The following ZNF486 variants were observed in gnomAD, a reference collection of about 807,000 sequenced individuals.
The protein encoded by ZNF486 is zinc finger protein 486, also known as KRAB box only protein 2.
Under a neutral mutation model 12.8 loss-of-function variants are expected in ZNF486, and 12 were observed. That is an observed-to-expected ratio of 0.94 (90% CI 0.60 to 1.52). ZNF486 has a LOEUF of 1.52. Among genes scored for constraint, ZNF486 ranks in the 40% most tolerant of loss-of-function variants. The pLI, the probability that ZNF486 is intolerant of heterozygous loss-of-function variation, is 0.00. For synonymous variants in ZNF486, 231 were observed against 184.9 expected, an observed-to-expected ratio of 1.25 and a Z score of -2.02; for missense variants, 738 against 545.0, an observed-to-expected ratio of 1.35 and a Z score of -3.53.
intron 1 of ZNF486, among the ~76,000 whole-genome samples, chr19:20,181,243 T>C (rs1021570922): frequency 6.6e-6 from 1 of 151,040 alleles, no homozygotes; most frequent in Non-Finnish European, 1.5e-5. Flanking sequence ...CAAAAGCAGA[T>C]GAAAGGGAAA....
In ZNF486 at chr19:20,192,373, T is replaced by C. The variant is rs191898993; in HGVS notation, c.254-4591T>C. 5.9e-5 allele frequency among the ~76,000 whole-genome samples: 9 copies of C among 152,320 alleles called. No individual in the cohort carries two copies. The East Asian group carries it at 1.7e-3, about 29-fold the overall frequency. On this transcript the variant is annotated intron_variant, in intron 3 of 3. Transcript: ENST00000335117. ...TTGCCCAAGCTGGAGTGCAATGGCGTGAGCTCACTGCAACCTCTGCCTCCC... is the reference window on the plus strand; with the variant it reads ...TTGCCCAAGCTGGAGTGCAATGGCGCGAGCTCACTGCAACCTCTGCCTCCC...
At chr19:20,191,011 T>A in intron 3 of ZNF486, among the ~76,000 whole-genome samples, 1 of 152,160 alleles carries the variant, frequency 6.6e-6, no homozygotes, top group African/African-American at 2.4e-5. Context: ...AGAACCTGGA[T>A]CCTTCACCTC....
intron 1 of ZNF486, among the ~76,000 whole-genome samples, chr19:20,169,328 C>T (rs1021300601): frequency 6.6e-6 from 1 of 152,204 alleles, no homozygotes; most frequent in South Asian, 2.1e-4. Flanking sequence ...AGGCTGGTCT[C>T]TAACTCCCAA....
At chr19:20,191,261 GGA>G (rs2089899115) in intron 3 of ZNF486, among the ~76,000 whole-genome samples, 1 of 152,000 alleles carries the variant, frequency 6.6e-6, no homozygotes, top group South Asian at 2.1e-4. Context: ...CATGAGGTCA[GGA>G]GATCGAGACC....
intron 1 of ZNF486, among the ~76,000 whole-genome samples, chr19:20,170,084 G>A (rs1433743119): frequency 1.3e-5 from 2 of 151,072 alleles, no homozygotes; most frequent in African/African-American, 4.9e-5. Flanking sequence ...GTAGAGACGG[G>A]TTTCACCGTG....
In ZNF486 at chr19:20,170,428, G is replaced by T. The variant is rs538828305; in HGVS notation, c.30+3068G>T. On this transcript the variant is annotated intron_variant, in intron 1 of 3. Transcript: ENST00000335117. ...CTAAAAATACAAAAATTAGCCAAGCGTCTTGGCAGGTACATGTAATGCCAG... is the reference window on the plus strand; with the variant it reads ...CTAAAAATACAAAAATTAGCCAAGCTTCTTGGCAGGTACATGTAATGCCAG... Among the ~76,000 whole-genome samples, 8 of 152,106 alleles carry T rather than the reference G, an allele frequency of 5.3e-5. No individual in the cohort carries two copies. The East Asian group carries it at 1.2e-3, about 22-fold the overall frequency.
chr19:20,181,194 C>A (rs1555715486), intron 1 of ZNF486, among the ~76,000 whole-genome samples: 1 of 152,136 alleles, frequency 6.6e-6, no homozygotes, highest in East Asian at 1.9e-4. Flanking sequence ...GTGAATCCTG[C>A]TGCCTTTCTA....
rs1018272928 is a variant in ZNF486, at chr19:20,197,889, C to T, written c.1179C>T (p.Leu393=). 5 of 1,610,110 alleles carry T rather than the reference C, an allele frequency of 3.1e-6. No individual in the cohort carries two copies. The highest frequency in any genetic ancestry group is 3.4e-6 in the Non-Finnish European group (4 of 1,178,950). ...AAGCCTTTACATGGTCTGCAGGCCT[C>T]CATAAACATAGGAGAACTCATACTG... is the stretch of plus-strand genomic sequence containing the variant. The part of the protein sequence containing the change: ...CGKAFTWSAG[L]HKHRRTHTGE... The change falls in exon 4 of 4, where the codon CTC becomes CTT. Residue 393 remains leucine, a synonymous_variant. Transcript: ENST00000335117.
At chr19:20,192,464 C>G (rs532809032) in intron 3 of ZNF486, among the ~76,000 whole-genome samples, 4 of 152,118 alleles carry the variant, frequency 2.6e-5, no homozygotes, top group Non-Finnish European at 5.9e-5. Flanking sequence ...TGTCACCATG[C>G]CCAGCTAATT....
intron 1 of ZNF486, among the ~76,000 whole-genome samples, chr19:20,172,322 TG>T (rs1307707896): frequency 1.7e-4 from 26 of 151,594 alleles, no homozygotes; most frequent in African/African-American, 6.3e-4. Context: ...TTTTTTTTTT[TG>T]AGAGAGAGTT....
intron 1 of ZNF486, among the ~76,000 whole-genome samples, chr19:20,173,441 A>T (rs1353877075): frequency 6.6e-6 from 1 of 152,090 alleles, no homozygotes; most frequent in Non-Finnish European, 1.5e-5. Flanking sequence ...TTTATATAAC[A>T]TCTTTCTCTC....
intron 1 of ZNF486, among the ~76,000 whole-genome samples, chr19:20,183,819 G>T (rs1460449048): frequency 6.6e-6 from 1 of 151,838 alleles, no homozygotes; most frequent in Non-Finnish European, 1.5e-5. Flanking sequence ...TAGAAAATCT[G>T]AAAAAAACAC....
chr19:20,167,277 G>T lies in ZNF486; in HGVS notation c.-54G>T, dbSNP rs2089593621. The T allele has an allele frequency of 2.5e-6, 4 of 1,612,274 alleles. No individual in the cohort carries two copies. In the East Asian group the frequency reaches 8.9e-5, roughly 36 times the overall value. ...CTACTCTGTGTCCTCTGCTCCTAGA[G>T]GCCCACCCTCTGTGGCCCTGTGTCC... is the stretch of plus-strand genomic sequence containing the variant. On this transcript the variant is annotated 5_prime_UTR_variant, in exon 1 of 4. The change creates a new upstream start codon in the 5' untranslated region. Transcript: ENST00000335117.
At chr19:20,172,991 T>A (rs1003337385) in intron 1 of ZNF486, among the ~76,000 whole-genome samples, 1 of 152,176 alleles carries the variant, frequency 6.6e-6, no homozygotes, top group Non-Finnish European at 1.5e-5. Flanking sequence ...GCAAAGTTTG[T>A]AAATATTTTT....
At chr19:20,187,662 C>G (rs11880884) in intron 3 of ZNF486, among the ~76,000 whole-genome samples, 1,927 of 151,984 alleles carry the variant, frequency 0.013, 44 homozygotes, top group African/African-American at 0.044. Flanking sequence ...CCACCACACC[C>G]GGCTAATTTT....
chr19:20,186,138 C>T, intron 3 of ZNF486, 56 bp downstream of exon 3: 4 of 1,373,180 alleles, frequency 2.9e-6, no homozygotes, highest in African/African-American at 1.5e-5. Flanking sequence ...GTCCCAAGGT[C>T]AAAAAGAAAG....
In ZNF486 at chr19:20,197,663, G is replaced by C. The variant is rs1555718267; in HGVS notation, c.953G>C (p.Gly318Ala). ...TLSSHKKIHTGEKPYTCDKCG... is the reference protein window; with the variant it reads ...TLSSHKKIHTAEKPYTCDKCG... ...TCTTCACATAAGAAAATTCATACTG[G>C]AGAGAAACCGTACACGTGTGATAAA... The change falls in exon 4 of 4, where the codon GGA becomes GCA. Residue 318 changes from glycine (G) to alanine (A), a missense_variant. Transcript: ENST00000335117. 4 of 1,613,686 alleles carry C rather than the reference G, an allele frequency of 2.5e-6. No individual in the cohort carries two copies. Among genetic ancestry groups the C allele is most frequent in the Non-Finnish European group, 3.4e-6 (4 of 1,179,798 alleles).
At chr19:20,168,020 C>T (rs2089603872) in intron 1 of ZNF486, among the ~76,000 whole-genome samples, 1 of 151,974 alleles carries the variant, frequency 6.6e-6, no homozygotes, top group South Asian at 2.1e-4. Context: ...CGGTCTGACC[C>T]CAGCCAATAG....
Position 20,184,453 on chromosome 19 carries a change from T to TA in ZNF486, c.129dup (p.Glu44ArgfsTer15). On this transcript the variant is annotated frameshift_variant, in exon 2 of 4. Coordinates refer to ENST00000335117, the MANE Select transcript of ZNF486 (RefSeq NM_052852.4). LOFTEE classifies it high-confidence loss of function. The stretch of plus-strand genomic sequence containing the variant: ...CAGAATTTATATAGGGATGTGATGT[T>TA]AGAGAACTACAGACACCTGGTCTTC... The TA allele has an allele frequency of 2.5e-6, 4 of 1,613,286 alleles. No homozygotes were observed. In the South Asian group the frequency reaches 4.4e-5, roughly 18 times the overall value.
Sources: gnomAD v4.1 joint callset for allele counts (sites outside exome capture counted in the v4.1 genomes callset) on GRCh38, gnomAD v4.1.1 for gene constraint, MANE v1.5 for transcripts, NCBI Gene and HGNC (gene_info 2026-07-23, HGNC 2026-07-21) for gene names.